The following KLHL11 variants were observed in gnomAD, a reference collection of about 807,000 sequenced individuals.
KLHL11 encodes the protein kelch like family member 11.
KLHL11 carries 26 observed loss-of-function variants against 56.1 expected under a neutral mutation model. The observed-to-expected ratio is 0.46, with a 90% CI of 0.34 to 0.64. KLHL11 has a LOEUF of 0.64. Ranked by LOEUF, KLHL11 falls within the 30% of genes least tolerant of loss-of-function variation. The pLI is 0.01. For synonymous variants in KLHL11, 338 were observed against 345.8 expected, an observed-to-expected ratio of 0.98 and a Z score of 0.25; for missense variants, 627 against 919.4, an observed-to-expected ratio of 0.68 and a Z score of 4.11.
chr17:41,859,966 C>T (rs894463222), intron 1 of KLHL11, among the ~76,000 whole-genome samples: 1 of 152,066 alleles, frequency 6.6e-6, no homozygotes, highest in Non-Finnish European at 1.5e-5. Context: ...TTAAGAATCA[C>T]TTCATCAATT....
intron 1 of KLHL11, among the ~76,000 whole-genome samples, chr17:41,855,663 G>T (rs1174898535): frequency 6.6e-6 from 1 of 150,988 alleles, no homozygotes; most frequent in East Asian, 2.0e-4. Context: ...GAGCTGCCGT[G>T]CCCGGCCTAC....
rs545435170 is a variant in KLHL11, at chr17:41,851,911, C to T, written c.*1829G>A. On this transcript the variant is annotated 3_prime_UTR_variant, in exon 2 of 2. Transcript: ENST00000319121. ...GGGTGACAAAGTGGGACCCCATCCCCTGGCCCAAAAAAAAAAAAAAGTCAA... is the reference window on the plus strand; with the variant it reads ...GGGTGACAAAGTGGGACCCCATCCCTTGGCCCAAAAAAAAAAAAAAGTCAA... Among the ~76,000 whole-genome samples, 66 of 150,622 alleles carry T rather than the reference C, an allele frequency of 4.4e-4. No homozygotes were observed. Among genetic ancestry groups the T allele is most frequent in the African/African-American group, 1.6e-3 (65 of 41,014 alleles).
At position 41,852,307 on chromosome 17, in the gene KLHL11, G is replaced by A. The variant is rs570778006; in HGVS notation, c.*1433C>T. Among the ~76,000 whole-genome samples, 1 of 150,902 alleles carries A rather than the reference G, an allele frequency of 6.6e-6. No homozygotes were observed. The highest frequency in any genetic ancestry group is 1.5e-5 in the Non-Finnish European group (1 of 67,802). On this transcript the variant is annotated 3_prime_UTR_variant, in exon 2 of 2. Coordinates refer to ENST00000319121, the MANE Select transcript of KLHL11 (RefSeq NM_018143.3). ...GTTGGGATTACAGTCATGAGCCACC[G>A]TGCCCAGCCCATAAACCTTTAAAAG...
chr17:41,854,456 C>T lies in KLHL11; in HGVS notation c.1411G>A (p.Val471Met), dbSNP rs1567873284. 1.2e-6 allele frequency: 2 copies of T among 1,614,068 alleles called. No individual in the cohort carries two copies. Among genetic ancestry groups the T allele is most frequent in the Non-Finnish European group, 1.7e-6 (2 of 1,180,048 alleles). Residue 471 changes from valine to methionine, a missense_variant, in exon 2 of 2, where the codon GTG becomes ATG. Val to Met is a conservative substitution (Grantham distance 21, BLOSUM62 1). Coordinates refer to ENST00000319121, the MANE Select transcript of KLHL11 (RefSeq NM_018143.3). This position sits in a 1 kb window ranked among gnomAD's most constrained non-coding sequence, Gnocchi z 4.9. ...TCAAGCTCAGGATTATAAACAGTCA[C>T]ATCTTTAAAACCAGGACTAAAGTTG... ...HGNFSPGFKD[V>M]TVYNPELDKW... is the part of the protein sequence containing the mutation.
At chr17:41,857,263 T>C (rs1042520644) in intron 1 of KLHL11, among the ~76,000 whole-genome samples, 4 of 151,900 alleles carry the variant, frequency 2.6e-5, no homozygotes, top group African/African-American at 9.7e-5. Flanking sequence ...TCCCAGCACT[T>C]TGGGAGGCCA....
In KLHL11 at chr17:41,852,662, G is replaced by A. The variant is rs2048338590; in HGVS notation, c.*1078C>T. ...AAAAATTAGCCAGGCGTGATGGTGGGTACCTGTAATCCCAGCTACTCGGGA... is the reference window on the plus strand; with the variant it reads ...AAAAATTAGCCAGGCGTGATGGTGGATACCTGTAATCCCAGCTACTCGGGA... On this transcript the variant is annotated 3_prime_UTR_variant, in exon 2 of 2. Coordinates refer to ENST00000319121, the MANE Select transcript of KLHL11 (RefSeq NM_018143.3). 6.6e-6 allele frequency among the ~76,000 whole-genome samples: 1 copy of A among 151,280 alleles called. No homozygotes were observed. The highest frequency in any genetic ancestry group is 1.5e-5 in the Non-Finnish European group (1 of 67,886).
Position 41,855,261 on chromosome 17 carries a change from G to T in KLHL11, c.606C>A (p.Leu202=). ...AGCTATGAATTGCCACACAATTTGA[G>T]AGATGAAGTTTTTTCTTGAGAAATT... ...CGEFLKKKLH[L]SNCVAIHSLA... Residue 202 remains leucine, a synonymous_variant, in exon 2 of 2, where the codon CTC becomes CTA. Coordinates refer to ENST00000319121, the MANE Select transcript of KLHL11 (RefSeq NM_018143.3). The T allele has an allele frequency of 6.2e-7, 1 of 1,605,704 alleles. No homozygotes were observed.
Position 41,854,600 on chromosome 17 carries a change from C to T in KLHL11, c.1267G>A (p.Val423Ile). Residue 423 changes from valine (V) to isoleucine (I), a missense_variant, in exon 2 of 2, where the codon GTA becomes ATA. Physicochemically the swap from Val to Ile is conservative, Grantham distance 29. Coordinates refer to ENST00000319121, the MANE Select transcript of KLHL11 (RefSeq NM_018143.3). This position sits in a 1 kb window ranked among gnomAD's most constrained non-coding sequence, Gnocchi z 4.9. ...GSMEPGFAKTVERYNPNLNTW... is the reference protein window; with the variant it reads ...GSMEPGFAKTIERYNPNLNTW... ...TTCAAATTTGGGTTATACCTTTCTA[C>T]AGTTTTAGCAAACCCTGGCTCCATT... 1 of 1,614,226 alleles carries T rather than the reference C, an allele frequency of 6.2e-7. No homozygotes were observed. Among genetic ancestry groups the T allele is most frequent in the Non-Finnish European group, 8.5e-7 (1 of 1,180,038 alleles).
At chr17:41,856,865 C>G (rs963731195) in intron 1 of KLHL11, among the ~76,000 whole-genome samples, 8 of 151,528 alleles carry the variant, frequency 5.3e-5, no homozygotes, top group African/African-American at 1.5e-4. Flanking sequence ...AATAAAAATA[C>G]AAAAATTAGC....
intron 1 of KLHL11, among the ~76,000 whole-genome samples, chr17:41,857,234 C>T (rs915281433): frequency 1.3e-5 from 2 of 151,564 alleles, no homozygotes; most frequent in Admixed American, 1.3e-4. Context: ...AGGCCGGGCG[C>T]AGTGGCTCAC....
At chr17:41,857,877 C>T (rs906207621) in intron 1 of KLHL11, among the ~76,000 whole-genome samples, 10 of 152,174 alleles carry the variant, frequency 6.6e-5, no homozygotes, top group East Asian at 5.8e-4. Context: ...AGTACACTGG[C>T]GCGATCTCTG....
chr17:41,859,163 T>A (rs1555622851), intron 1 of KLHL11, among the ~76,000 whole-genome samples: 1 of 152,102 alleles, frequency 6.6e-6, no homozygotes, highest in Non-Finnish European at 1.5e-5. Flanking sequence ...TGAGAAGATT[T>A]GTCCTGAATT....
At chr17:41,856,001 A>AAC (rs1597947618) in intron 1 of KLHL11, among the ~76,000 whole-genome samples, 1 of 125,626 alleles carries the variant, frequency 8.0e-6, no homozygotes, top group African/African-American at 3.0e-5. Context: ...CCAAAAAAAA[A>AAC]CTCCAAAAAA....
chr17:41,865,256 C>T lies in KLHL11; in HGVS notation c.115G>A (p.Glu39Lys). 1.9e-6 allele frequency: 3 copies of T among 1,585,638 alleles called. No individual in the cohort carries two copies. Among genetic ancestry groups the T allele is most frequent in the East Asian group, 2.3e-5 (1 of 43,212 alleles). Residue 39 changes from glutamate (E) to lysine (K), a missense_variant, in exon 1 of 2, where the codon GAG becomes AAG. Around this residue, in one of 4 missense-constraint regions of KLHL11, gnomAD observed 121 missense variants for 116.2 expected, o/e 1.04. Transcript: ENST00000319121. ...TCCACCGTGCCGCTGCCTCGGACCTCGGCGGCCAGTCCTGCCGAGCCGGCG... is the reference window on the plus strand; with the variant it reads ...TCCACCGTGCCGCTGCCTCGGACCTTGGCGGCCAGTCCTGCCGAGCCGGCG... ...AAAGSAGLAAEVRGSGTVDFG... is the reference protein window; with the variant it reads ...AAAGSAGLAAKVRGSGTVDFG...
chr17:41,854,310 T>G lies in KLHL11; in HGVS notation c.1557A>C (p.Gly519=), dbSNP rs782235493. 1.9e-6 allele frequency: 3 copies of G among 1,614,206 alleles called. No individual in the cohort carries two copies. Among genetic ancestry groups the G allele is most frequent in the Admixed American group, 3.3e-5 (2 of 60,012 alleles). Residue 519 remains glycine, a synonymous_variant, in exon 2 of 2, where the codon GGA becomes GGC. Coordinates refer to ENST00000319121, the MANE Select transcript of KLHL11 (RefSeq NM_018143.3). This position sits in a 1 kb window ranked among gnomAD's most constrained non-coding sequence, Gnocchi z 4.9. ...CATAGCAAGTAATTACAGCCTTTAA[T>G]CCATCTTCAGTGTCCCGGTCTACAG... ...RTPVDRDTED[G]LKAVITCYDT... is the part of the protein sequence containing the mutation.
intron 1 of KLHL11, among the ~76,000 whole-genome samples, chr17:41,858,597 T>TA (rs2048383246): frequency 6.6e-6 from 1 of 151,906 alleles, no homozygotes; most frequent in Non-Finnish European, 1.5e-5. Flanking sequence ...CACACCCAGC[T>TA]AAATTTTTGT....
chr17:41,850,082 G>A lies in KLHL11; in HGVS notation c.*3658C>T, dbSNP rs1167416809. 2 of 152,102 alleles carry A rather than the reference G, an allele frequency of 1.3e-5. No homozygotes were observed. Among genetic ancestry groups the A allele is most frequent in the African/African-American group, 4.8e-5 (2 of 41,420 alleles). 9.4% of individuals were successfully genotyped at this position (152,102 alleles called of 1,614,324 possible). On this transcript the variant is annotated 3_prime_UTR_variant, in exon 2 of 2. Transcript: ENST00000319121. ...TTTCTTTCCCAAGGAGCTATTTTAGGCCTGATCCTTGTACTTAGAACCTTT... is the reference window on the plus strand; with the variant it reads ...TTTCTTTCCCAAGGAGCTATTTTAGACCTGATCCTTGTACTTAGAACCTTT...
chr17:41,854,118 T>G lies in KLHL11; in HGVS notation c.1749A>C (p.Gln583His). Residue 583 changes from glutamine (Q) to histidine (H), a missense_variant, in exon 2 of 2, where the codon CAA (glutamine) becomes CAC (histidine). Gln to His is a conservative substitution (Grantham distance 24, BLOSUM62 0). Transcript: ENST00000319121. The surrounding 1 kb of genome is among the most constrained non-coding windows in gnomAD (Gnocchi z 4.9). ...AGCTTTCAAGGATCTCATCAGACACTTGGCTGGCAATTTTTCTTACTGCCT... is the reference window on the plus strand; with the variant it reads ...AGCTTTCAAGGATCTCATCAGACACGTGGCTGGCAATTTTTCTTACTGCCT... ...NEEAVRKIASQVSDEILESLP... is the reference protein window; with the variant it reads ...NEEAVRKIASHVSDEILESLP... 1 of 1,614,202 alleles carries G rather than the reference T, an allele frequency of 6.2e-7. No individual in the cohort carries two copies. Among genetic ancestry groups the G allele is most frequent in the Non-Finnish European group, 8.5e-7 (1 of 1,180,022 alleles).
In KLHL11 at chr17:41,854,513, T is replaced by C. The variant is rs1045287072; in HGVS notation, c.1354A>G (p.Lys452Glu). Reference sequence around the variant, plus strand: ...CCTCCAATGCTATAGAGCTTCCCTTTGACTTCTGTTAGTCCAAAAGAATGC... The same window carrying C: ...CCTCCAATGCTATAGAGCTTCCCTTCGACTTCTGTTAGTCCAAAAGAATGC... ...RKHSFGLTEV[K>E]GKLYSIGGHG... The change falls in exon 2 of 2, where the codon AAA (lysine) becomes GAA (glutamate). Residue 452 changes from lysine to glutamate, a missense_variant. Lys to Glu is a moderately conservative substitution (Grantham distance 56). Around this residue, in one of 4 missense-constraint regions of KLHL11, gnomAD observed 250 missense variants for 360.6 expected, o/e 0.69. Transcript: ENST00000319121. The surrounding 1 kb of genome is among the most constrained non-coding windows in gnomAD (Gnocchi z 4.9). 6.2e-7 allele frequency: 1 copy of C among 1,614,224 alleles called. No individual in the cohort carries two copies. The highest frequency in any genetic ancestry group is 1.3e-5 in the African/African-American group (1 of 75,072).
Sources: gnomAD v4.1 joint callset for allele counts (sites outside exome capture counted in the v4.1 genomes callset) on GRCh38, gnomAD v4.1.1 for gene constraint, gnomAD v4.1.1 regional missense constraint, Gnocchi (gnomAD v3.1) non-coding constraint, MANE v1.5 for transcripts, NCBI Gene and HGNC (gene_info 2026-07-23, HGNC 2026-07-21) for gene names.